CNTN4: variants seen among roughly 807,000 people sequenced by gnomAD.
CNTN4 encodes the protein contactin-4.
Under a neutral mutation model 122.5 loss-of-function variants are expected in CNTN4, and 77 were observed. The observed-to-expected ratio is 0.63, with a 90% CI of 0.52 to 0.76. The LOEUF (loss-of-function observed/expected upper bound fraction) is 0.76, where lower values mean the gene tolerates loss of function less well. Among genes scored for constraint, CNTN4 ranks in the 30% least tolerant of loss-of-function variants. CNTN4 has a pLI of 0.00. For synonymous variants in CNTN4, 512 were observed against 447.0 expected (o/e 1.15, Z -1.83); for missense variants, 1,256 against 1,259.1 (o/e 1.00, Z 0.04).
chr3:2,421,379 G>A (rs1299524564), intron 3 of CNTN4, among the ~76,000 whole-genome samples: 21 of 151,700 alleles, frequency 1.4e-4, no homozygotes, highest in Non-Finnish European at 2.1e-4. Context: ...AGCCTCCCGA[G>A]TAGCTGGGAT....
At chr3:3,043,497 A>T in intron 22 of CNTN4, 95 bp from the exon 23 acceptor site, 1 of 921,574 alleles carries the variant, frequency 1.1e-6, no homozygotes, top group Non-Finnish European at 1.8e-6. Context: ...AGCCCATTAA[A>T]TTGCCTCCAC....
At chr3:2,610,879 T>G (rs534590394) in intron 4 of CNTN4, among the ~76,000 whole-genome samples, 1 of 152,278 alleles carries the variant, frequency 6.6e-6, no homozygotes, top group Admixed American at 6.5e-5. Context: ...GGAGAAATAT[T>G]TTTTCAGGTA....
chr3:2,127,061 A>G (rs1437314012), intron 2 of CNTN4, among the ~76,000 whole-genome samples: 2 of 151,996 alleles, frequency 1.3e-5, no homozygotes, highest in Non-Finnish European at 2.9e-5. Context: ...TGTCTTTTTC[A>G]TCTTTGTGGT....
intron 3 of CNTN4, among the ~76,000 whole-genome samples, chr3:2,412,607 C>T (rs2047266273): frequency 6.6e-6 from 1 of 152,096 alleles, no homozygotes; most frequent in African/African-American, 2.4e-5. Context: ...GTGGTTTGCT[C>T]TTCTAATTCT....
rs752394151 is a variant in CNTN4, at chr3:2,709,721, C to T, written c.56-26494C>T. Among the ~76,000 whole-genome samples the T allele has an allele frequency of 1.3e-5, 2 of 152,092 alleles. No individual in the cohort carries two copies. The highest frequency in any genetic ancestry group is 2.1e-4 in the South Asian group (1 of 4,824). Reference sequence around the variant, plus strand: ...TTGAGGTCAGGAGTTCAAAATCAGCCTGGCCAACATGGTGAAACCCTCTCT... The same window carrying T: ...TTGAGGTCAGGAGTTCAAAATCAGCTTGGCCAACATGGTGAAACCCTCTCT... On this transcript the variant is annotated intron_variant, in intron 4 of 24. Transcript: ENST00000418658. This position sits in a 1 kb window ranked among gnomAD's most constrained non-coding sequence, Gnocchi z 5.0.
chr3:2,160,296 A>C (rs149756606), intron 2 of CNTN4, among the ~76,000 whole-genome samples: 79 of 152,272 alleles, frequency 5.2e-4, no homozygotes, highest in African/African-American at 1.9e-3. Context: ...TGAACTAAAT[A>C]GGAGAGGTCT....
chr3:2,130,934 A>T (rs948555709), intron 2 of CNTN4, among the ~76,000 whole-genome samples: 1 of 152,162 alleles, frequency 6.6e-6, no homozygotes, highest in Non-Finnish European at 1.5e-5. Flanking sequence ...AAAGATCATA[A>T]AGAGCATCTT....
At chr3:2,444,731 T>TTGGCTGGCTGGC (rs529016308) in intron 3 of CNTN4, among the ~76,000 whole-genome samples, 6 of 151,708 alleles carry the variant, frequency 4.0e-5, no homozygotes, top group South Asian at 2.1e-4. Context: ...TGAATAAATA[T>TTGGCTGGCTGGC]TGGCTGGCTG....
intron 3 of CNTN4, among the ~76,000 whole-genome samples, chr3:2,387,540 A>G (rs1051147846): frequency 1.7e-4 from 26 of 152,226 alleles, no homozygotes; most frequent in African/African-American, 6.3e-4. Flanking sequence ...AAATTTGTTT[A>G]TATTACTATT....
intron 4 of CNTN4, among the ~76,000 whole-genome samples, chr3:2,714,231 C>T (rs2728046): frequency 0.96 from 145,901 of 152,214 alleles, 69,966 homozygotes; most frequent in Non-Finnish European, 0.97. Context: ...AAATATTATT[C>T]AGTACTATTT....
chr3:2,412,720 T>C (rs1175958934), intron 3 of CNTN4, among the ~76,000 whole-genome samples: 1 of 152,102 alleles, frequency 6.6e-6, no homozygotes, highest in Non-Finnish European at 1.5e-5. Context: ...TTTCACTGCA[T>C]GTGTGCATCA....
intron 3 of CNTN4, among the ~76,000 whole-genome samples, chr3:2,527,595 C>G (rs1312751277): frequency 2.0e-5 from 3 of 152,142 alleles, no homozygotes; most frequent in African/African-American, 7.2e-5. Context: ...AGGTCAAAGC[C>G]TTGCTTCATC....
intron 13 of CNTN4, chr3:2,927,431 T>A (rs1321916580): frequency 7.3e-6 from 3 of 412,552 alleles, no homozygotes; most frequent in African/African-American, 4.1e-5. Flanking sequence ...TACTTAGAAG[T>A]GCAACACTTG....
chr3:2,594,469 AGTGCAGTG>A (rs2080664613), intron 4 of CNTN4, among the ~76,000 whole-genome samples: 4 of 133,882 alleles, frequency 3.0e-5, no homozygotes, highest in Admixed American at 2.6e-4. Context: ...GCCAGGCTGT[AGTGCAGTG>A]GCACGATCTC....
intron 3 of CNTN4, among the ~76,000 whole-genome samples, chr3:2,354,645 T>C (rs1387184267): frequency 6.6e-6 from 1 of 152,162 alleles, no homozygotes; most frequent in African/African-American, 2.4e-5. Flanking sequence ...GAAGTACTAA[T>C]AGGGACTTTG....
Position 2,887,125 on chromosome 3 carries a change from G to T in CNTN4, c.841G>T (p.Glu281Ter). Reference sequence around the variant, plus strand: ...AAGACACAAGTCAAATGGAATTCTTGAGATCCCTAATTTTCAGCAGGAGGA... The same window carrying T: ...AAGACACAAGTCAAATGGAATTCTTTAGATCCCTAATTTTCAGCAGGAGGA... Reference protein sequence around the residue: ...ARRHKSNGILEIPNFQQEDAG... With the variant: ...ARRHKSNGIL The change falls in exon 10 of 25, where the codon GAG becomes TAG. Residue 281 changes from glutamate (E) to a stop codon, truncating the protein, a stop_gained. Transcript: ENST00000418658. LOFTEE classifies it high-confidence loss of function. 1 of 1,614,128 alleles carries T rather than the reference G, an allele frequency of 6.2e-7. No individual in the cohort carries two copies. Among genetic ancestry groups the T allele is most frequent in the Non-Finnish European group, 8.5e-7 (1 of 1,180,028 alleles).
At chr3:2,672,819 C>A (rs2084611550) in intron 4 of CNTN4, among the ~76,000 whole-genome samples, 1 of 152,124 alleles carries the variant, frequency 6.6e-6, no homozygotes, top group Non-Finnish European at 1.5e-5. Flanking sequence ...AATTCATTAA[C>A]TAGTTTAGTA....
rs1224355574 is a variant in CNTN4 at position 2,619,052 on chromosome 3, A to G, written c.55+47494A>G. 2.0e-5 allele frequency among the ~76,000 whole-genome samples: 3 copies of G among 152,182 alleles called. No homozygotes were observed. In the East Asian group the frequency reaches 5.8e-4, roughly 29 times the overall value. ...GCCTTCATAATAATGAGACAGTAGC[A>G]CTTATATTGCCTGAGAGTTTCTGTT... On this transcript the variant is annotated intron_variant, in intron 4 of 24. Coordinates refer to ENST00000418658, the MANE Select transcript of CNTN4 (RefSeq NM_175607.3).
At chr3:2,495,365 G>T (rs982900866) in intron 3 of CNTN4, among the ~76,000 whole-genome samples, 2 of 152,098 alleles carry the variant, frequency 1.3e-5, no homozygotes, top group Non-Finnish European at 2.9e-5. Context: ...ATCACATCTA[G>T]ACCACCATTA....
Sources: gnomAD v4.1 joint callset for allele counts (sites outside exome capture counted in the v4.1 genomes callset) on GRCh38, gnomAD v4.1.1 for gene constraint, Gnocchi (gnomAD v3.1) non-coding constraint, MANE v1.5 for transcripts, NCBI Gene and HGNC (gene_info 2026-07-23, HGNC 2026-07-21) for gene names.